Variants in CCNT2 observed in about 807,000 individuals in gnomAD.
CCNT2 encodes cyclin T2.
A neutral mutation model predicts 70.0 loss-of-function variants in CCNT2; 18 were observed. That is an observed-to-expected ratio of 0.26 (90% CI 0.18 to 0.38). The LOEUF (loss-of-function observed/expected upper bound fraction) is 0.38. CCNT2 is among the 10% of genes least tolerant of loss of function. The pLI is 1.00. For missense variants in CCNT2, 734 were observed against 890.2 expected (o/e 0.82, Z 2.23); for synonymous variants, 334 against 313.3 (o/e 1.07, Z -0.70).
chr2:134,946,498 T>C (rs2105072112), intron 6 of CCNT2: 2 of 775,384 alleles, frequency 2.6e-6, no homozygotes, highest in South Asian at 5.9e-5. Flanking sequence ...TTTACAATTA[T>C]AGTTAAATGA....
Position 134,918,844 on chromosome 2 carries a change from G to A in CCNT2, c.-11G>A. Reference sequence around the variant, plus strand: ...GGGGTGAATGAAGGAGCGGGCGGAGGAGGAAGTGTCATGGCGTCGGGCCGT... The same window carrying A: ...GGGGTGAATGAAGGAGCGGGCGGAGAAGGAAGTGTCATGGCGTCGGGCCGT... On this transcript the variant is annotated 5_prime_UTR_variant, in exon 1 of 9. Coordinates refer to ENST00000264157, the MANE Select transcript of CCNT2 (RefSeq NM_058241.3). 2 of 1,610,526 alleles carry A rather than the reference G, an allele frequency of 1.2e-6. No individual in the cohort carries two copies. Among genetic ancestry groups the A allele is most frequent in the Non-Finnish European group, 1.7e-6 (2 of 1,177,780 alleles).
rs557358373 is a variant in CCNT2 at position 134,926,638 on chromosome 2, T to C, written c.240+6747T>C. 2.6e-5 allele frequency among the ~76,000 whole-genome samples: 4 copies of C among 152,360 alleles called. No homozygotes were observed. The South Asian group carries it at 6.2e-4, about 24-fold the overall frequency. ...CTGCCATGATTTCCAGTGAATGTCTTTTGGCTCTTTGAGGTTCTTCTTATA... is the reference window on the plus strand; with the variant it reads ...CTGCCATGATTTCCAGTGAATGTCTCTTGGCTCTTTGAGGTTCTTCTTATA... On this transcript the variant is annotated intron_variant, in intron 2 of 8. Coordinates refer to ENST00000264157, the MANE Select transcript of CCNT2 (RefSeq NM_058241.3).
chr2:134,947,086 A>G (rs7574434), intron 6 of CCNT2, among the ~76,000 whole-genome samples: 9,259 of 152,252 alleles, frequency 0.061, 443 homozygotes, highest in African/African-American at 0.13. Flanking sequence ...TGTGACACAT[A>G]TTTCATGCCC....
At chr2:134,939,480 T>G (rs951737963) in intron 4 of CCNT2, among the ~76,000 whole-genome samples, 2 of 152,126 alleles carry the variant, frequency 1.3e-5, no homozygotes, top group Admixed American at 1.3e-4. Context: ...ATTTATTTAT[T>G]TTTAAGACGG....
intron 2 of CCNT2, chr2:134,920,461 A>G (rs1218238377): frequency 3.3e-5 from 5 of 152,296 alleles, no homozygotes; most frequent in Non-Finnish European, 7.3e-5. Context: ...TGCTTCAGAT[A>G]TAGTACGTCA....
Position 134,919,897 on chromosome 2 carries a change from T to C in CCNT2, c.240+6T>C. On this transcript the variant is annotated splice_donor_region_variant and intron_variant, in intron 2 of 8. Transcript: ENST00000264157. ...TCACCAAATTCAACAAAAATGTAAGTACTAGTTGTCTGTTTTTACTGTCCG... is the reference window on the plus strand; with the variant it reads ...TCACCAAATTCAACAAAAATGTAAGCACTAGTTGTCTGTTTTTACTGTCCG... 1 of 1,530,740 alleles carries C rather than the reference T, an allele frequency of 6.5e-7. No individual in the cohort carries two copies. The highest frequency in any genetic ancestry group is 8.9e-7 in the Non-Finnish European group (1 of 1,128,668). 94.8% of individuals were successfully genotyped at this position (1,530,740 alleles called of 1,614,324 possible).
intron 2 of CCNT2, among the ~76,000 whole-genome samples, chr2:134,931,844 C>T (rs186059953): frequency 6.6e-6 from 1 of 152,132 alleles, no homozygotes; most frequent in African/African-American, 2.4e-5. Flanking sequence ...AAGCAGTCCT[C>T]CCACCTCAGC....
intron 4 of CCNT2, among the ~76,000 whole-genome samples, chr2:134,942,349 G>GT (rs1176595273): frequency 6.6e-6 from 1 of 151,996 alleles, no homozygotes; most frequent in African/African-American, 2.4e-5. Context: ...AATTTAATTT[G>GT]TTTTTAAGAT....
rs1682717652 is a variant in CCNT2 at position 134,953,819 on chromosome 2, A to T, written c.1364A>T (p.His455Leu). 1.2e-6 allele frequency: 2 copies of T among 1,614,006 alleles called. No individual in the cohort carries two copies. Among genetic ancestry groups the T allele is most frequent in the Admixed American group, 3.3e-5 (2 of 60,014 alleles). ...LETLDLDVRD[H>L]YIAAQVEQQH... ...ACTCTTGATCTCGATGTAAGGGATC[A>T]TTATATAGCTGCCCAGGTAGAACAG... is the stretch of plus-strand genomic sequence containing the variant. The change falls in exon 9 of 9, where the codon CAT becomes CTT. Residue 455 changes from histidine to leucine, a missense_variant. Physicochemically the swap from His to Leu is moderately conservative, Grantham distance 99 (BLOSUM62 -3). Transcript: ENST00000264157.
chr2:134,943,474 G>A (rs1355662909), intron 5 of CCNT2: 14 of 985,088 alleles, frequency 1.4e-5, no homozygotes, highest in African/African-American at 1.7e-5. Context: ...TTGATTTAAT[G>A]TATTTTTCGA....
chr2:134,930,148 C>G (rs1291537118), intron 2 of CCNT2, among the ~76,000 whole-genome samples: 1 of 152,174 alleles, frequency 6.6e-6, no homozygotes, highest in African/African-American at 2.4e-5. Flanking sequence ...CAGCAGTTCA[C>G]CAGTCCCACT....
rs1043174625 is a variant in CCNT2, at chr2:134,958,562, T to C, written c.*3914T>C. On this transcript the variant is annotated 3_prime_UTR_variant, in exon 9 of 9. Transcript: ENST00000264157. ...CATTCTCTGACCTTGGGTACCAAGCTATGATACTAATTTGAGAATCACATT... is the reference window on the plus strand; with the variant it reads ...CATTCTCTGACCTTGGGTACCAAGCCATGATACTAATTTGAGAATCACATT... 16 of 152,250 alleles carry C rather than the reference T, an allele frequency of 1.1e-4. No homozygotes were observed. The highest frequency in any genetic ancestry group is 1.0e-3 in the Admixed American group (16 of 15,292). The allele number at this position is 152,250 out of a possible 1,614,324, so 9.4% of individuals were successfully genotyped here. A position where few individuals can be genotyped will look rare whatever the true frequency, so the allele number is the denominator to read the frequency against.
At position 134,958,467 on chromosome 2, in the gene CCNT2, A is replaced by G. The variant is rs564982225; in HGVS notation, c.*3819A>G. ...TTAAACTAAATGAGTTGACAGGACA[A>G]TAGGTGCTAATCTCATGTGCCCTAA... On this transcript the variant is annotated 3_prime_UTR_variant, in exon 9 of 9. Transcript: ENST00000264157. The G allele has an allele frequency of 3.3e-5, 5 of 152,328 alleles. No homozygotes were observed. In the East Asian group the frequency reaches 5.8e-4, roughly 18 times the overall value. 9.4% of individuals were successfully genotyped at this position (152,328 alleles called of 1,614,324 possible). A position where few individuals can be genotyped will look rare whatever the true frequency, so the allele number is the denominator to read the frequency against.
At chr2:134,929,613 C>CAGAGAGAGAGAGAG (rs140163816) in intron 2 of CCNT2, among the ~76,000 whole-genome samples, 14,349 of 117,428 alleles carry the variant, frequency 0.12, 1,341 homozygotes, top group East Asian at 0.38. Context: ...GTCTCAAAAA[C>CAGAGAGAGAGAGAG]AGAGAGAGAG....
intron 7 of CCNT2, among the ~76,000 whole-genome samples, chr2:134,951,892 A>G (rs1329013878): frequency 6.6e-6 from 1 of 152,156 alleles, no homozygotes. Flanking sequence ...TTTAGTTGAC[A>G]TGTCCCTTCA....
intron 5 of CCNT2, chr2:134,943,401 C>CAA: frequency 6.8e-6 from 6 of 877,734 alleles, no homozygotes; most frequent in African/African-American, 1.8e-5. Context: ...GACCCTATCT[C>CAA]AAAAAAAAAA....
intron 2 of CCNT2, among the ~76,000 whole-genome samples, chr2:134,925,718 T>C (rs1298053776): frequency 3.3e-5 from 5 of 152,206 alleles, no homozygotes; most frequent in Admixed American, 3.3e-4. Context: ...CTAATATGAA[T>C]AGTGCTCTTA....
At chr2:134,933,327 A>G (rs1680919133) in intron 2 of CCNT2, among the ~76,000 whole-genome samples, 1 of 152,232 alleles carries the variant, frequency 6.6e-6, no homozygotes, top group Admixed American at 6.5e-5. Flanking sequence ...ATTGAAACTG[A>G]ATACAGCCAT....
chr2:134,947,892 A>G lies in CCNT2; in HGVS notation c.696A>G (p.Leu232=), dbSNP rs200509154. ...TGGATCCTACAGTTACTCTAGAATT[A>G]TTAGATGGTAAGTAGAGAAAATAAA... is the stretch of plus-strand genomic sequence containing the variant. ...EYVDPTVTLE[L]LDELTHEFLQ... Residue 232 remains leucine, a synonymous_variant, in exon 7 of 9, where the codon TTA becomes TTG. Coordinates refer to ENST00000264157, the MANE Select transcript of CCNT2 (RefSeq NM_058241.3). 3.1e-5 allele frequency: 46 copies of G among 1,481,010 alleles called. No homozygotes were observed. The highest frequency in any genetic ancestry group is 2.1e-4 in the East Asian group (9 of 42,748). The allele number at this position is 1,481,010 out of a possible 1,614,324, so 91.7% of individuals were successfully genotyped here. A position where few individuals can be genotyped will look rare whatever the true frequency, so the allele number is the denominator to read the frequency against.
Sources: allele counts gnomAD v4.1 joint callset (sites outside exome capture counted in the v4.1 genomes callset), GRCh38; gene constraint gnomAD v4.1.1; transcripts MANE v1.5; gene names NCBI Gene and HGNC (gene_info 2026-07-23, HGNC 2026-07-21).